The following RYR2 variants were observed in gnomAD, a reference collection of about 807,000 sequenced individuals.
RYR2 encodes the protein ryanodine receptor 2.
RYR2 carries 227 observed loss-of-function variants against 601.1 expected under a neutral mutation model. The observed-to-expected ratio is 0.38, with a 90% confidence interval of 0.34 to 0.42. The LOEUF (loss-of-function observed/expected upper bound fraction) is 0.42. RYR2 is among the 10% of genes least tolerant of loss of function. The pLI is 1.00. For synonymous variants in RYR2, 2,223 were observed against 2,175.1 expected (o/e 1.02, Z -0.61); for missense variants, 4,646 against 6,156.5 (o/e 0.75, Z 8.21).
At chr1:237,779,699 C>T (rs905572029) in intron 88 of RYR2, among the ~76,000 whole-genome samples, 1 of 152,216 alleles carries the variant, frequency 6.6e-6, no homozygotes, top group African/African-American at 2.4e-5. Flanking sequence ...GGTAAGGATA[C>T]ATCTTAATGT....
At chr1:237,377,768 A>C (rs4615830) in intron 8 of RYR2, among the ~76,000 whole-genome samples, 38,113 of 152,054 alleles carry the variant, frequency 0.25, 4,922 homozygotes, top group East Asian at 0.4. Context: ...TTTATTTTGC[A>C]CCTGATGAAA....
intron 101 of RYR2, among the ~76,000 whole-genome samples, chr1:237,825,719 GTGAACAGGCAACCTACAGAA>G: frequency 6.6e-6 from 1 of 152,326 alleles, no homozygotes; most frequent in East Asian, 1.9e-4. Flanking sequence ...TATCATCAGA[GTGAACAGGCAACCTACAGAA>G]TGGGAGAAAA....
chr1:237,744,200 A>C (rs903741714), intron 80 of RYR2, among the ~76,000 whole-genome samples: 3 of 152,226 alleles, frequency 2.0e-5, no homozygotes, highest in African/African-American at 7.2e-5. Context: ...AAAAGAAAAC[A>C]TTTTGATATA....
chr1:237,625,448 C>A (rs536705990), intron 39 of RYR2, among the ~76,000 whole-genome samples: 1 of 152,072 alleles, frequency 6.6e-6, no homozygotes, highest in African/African-American at 2.4e-5. Context: ...CAGCCCTGAG[C>A]CCACAGGAAT....
chr1:237,342,130 C>G (rs1261242511), intron 3 of RYR2, among the ~76,000 whole-genome samples: 2 of 148,302 alleles, frequency 1.3e-5, no homozygotes, highest in Non-Finnish European at 3.0e-5. Flanking sequence ...AAGAAGTCTT[C>G]CTTTTTGTTG....
rs916871890 is a variant in RYR2 at position 237,614,904 on chromosome 1, A to T, written c.5715+61A>T. On this transcript the variant is annotated intron_variant, in intron 37 of 104. Coordinates refer to ENST00000366574, the MANE Select transcript of RYR2 (RefSeq NM_001035.3). This position sits in a 1 kb window ranked among gnomAD's most constrained non-coding sequence, Gnocchi z 4.3. ...TTGCTAAGCATTAAGGTATTAGAAC[A>T]TGCCTTTGTTTCTTTCTCTGTGTGT... The T allele has an allele frequency of 2.1e-6, 3 of 1,460,034 alleles. No homozygotes were observed. The Admixed American group carries it at 7.3e-5, about 35-fold the overall frequency. 90.4% of individuals were successfully genotyped at this position (1,460,034 alleles called of 1,614,324 possible).
chr1:237,172,773 G>C (rs1394799069), intron 1 of RYR2, among the ~76,000 whole-genome samples: 2 of 152,160 alleles, frequency 1.3e-5, no homozygotes, highest in Admixed American at 1.3e-4. Flanking sequence ...ATGTGACTGT[G>C]GGGCCCCAGG....
In RYR2 at chr1:237,819,963, G is replaced by T. The variant is rs907750614; in HGVS notation, c.14590+771G>T. Among the ~76,000 whole-genome samples, 3 of 152,080 alleles carry T rather than the reference G, an allele frequency of 2.0e-5. No homozygotes were observed. The highest frequency in any genetic ancestry group is 2.9e-5 in the Non-Finnish European group (2 of 68,020). On this transcript the variant is annotated intron_variant, in intron 101 of 104. Transcript: ENST00000366574. The surrounding 1 kb of genome is among the most constrained non-coding windows in gnomAD (Gnocchi z 4.0). ...GCACTTTGAGAGACTGAGGTGGGTG[G>T]ATCACTTGAGGTCTGGAGTTCAAGA... is the stretch of plus-strand genomic sequence containing the variant.
chr1:237,491,153 G>A (rs1045413643), intron 17 of RYR2, among the ~76,000 whole-genome samples: 1 of 152,040 alleles, frequency 6.6e-6, no homozygotes. Context: ...TTTTGTGGTG[G>A]CTAGTACCTA....
intron 2 of RYR2, among the ~76,000 whole-genome samples, chr1:237,289,011 A>G (rs1289416053): frequency 6.6e-6 from 1 of 152,164 alleles, no homozygotes; most frequent in African/African-American, 2.4e-5. Flanking sequence ...TATGTTGCTC[A>G]GCTCTCCAAA....
At chr1:237,488,969 C>T (rs1355909133) in intron 17 of RYR2, among the ~76,000 whole-genome samples, 2 of 152,160 alleles carry the variant, frequency 1.3e-5, no homozygotes, top group Non-Finnish European at 2.9e-5. Flanking sequence ...CAGACCATAG[C>T]AGCCAGATAG....
chr1:237,700,518 G>A (rs1687876993), intron 65 of RYR2, 51 bp downstream of exon 65: 2 of 886,324 alleles, frequency 2.3e-6, no homozygotes, highest in Admixed American at 2.5e-5. Flanking sequence ...GAAATACCCT[G>A]TAGTACAATC....
At chr1:237,208,936 GTATATATATATA>G (rs56133827) in intron 1 of RYR2, among the ~76,000 whole-genome samples, 1,836 of 89,808 alleles carry the variant, frequency 0.02, 58 homozygotes, top group African/African-American at 0.037. Context: ...ATGTGTGTGT[GTATATATATATA>G]TATATATATA....
chr1:237,830,042 G>A (rs1663596251), intron 102 of RYR2: 1 of 155,570 alleles, frequency 6.4e-6, no homozygotes, highest in Non-Finnish European at 1.4e-5. Flanking sequence ...AACTGTAGAT[G>A]GGATGTCTCA....
chr1:237,270,695 A>G, intron 2 of RYR2, 79 bp downstream of exon 2: 1 of 1,443,720 alleles, frequency 6.9e-7, no homozygotes, highest in Non-Finnish European at 9.5e-7. Context: ...GCTCTCTACT[A>G]TTTTCTGTGG....
intron 10 of RYR2, among the ~76,000 whole-genome samples, chr1:237,401,819 T>C (rs1242004260): frequency 6.6e-6 from 1 of 152,118 alleles, no homozygotes; most frequent in African/African-American, 2.4e-5. Context: ...CATGGCCAGC[T>C]CCCATCTTGA....
At position 237,465,649 on chromosome 1, in the gene RYR2, T is replaced by TATGCTATACGGGATGGCCTACTGCAC. The variant is rs1375685077; in HGVS notation, c.1613-3443_1613-3442insATGCTATACGGGATGGCCTACTGCAC. Among the ~76,000 whole-genome samples the TATGCTATACGGGATGGCCTACTGCAC allele has an allele frequency of 7.1e-3, 1,083 of 151,954 alleles. 25 individuals carry two copies. In the East Asian group the frequency reaches 0.076, roughly 11 times the overall value. On this transcript the variant is annotated intron_variant, in intron 16 of 104. Transcript: ENST00000366574. ...ATGCTATACGGGATGGCCTACTGCA[T>TATGCTATACGGGATGGCCTACTGCAC]GGCTATGCTATACGGGATGGCCTAC...
Position 237,788,093 on chromosome 1 carries a change from A to G in RYR2, c.13434A>G (p.Ser4478=), listed in dbSNP as rs754307642. Residue 4478 remains serine (S), a synonymous_variant, in exon 92 of 105, where the codon TCA becomes TCG. Coordinates refer to ENST00000366574, the MANE Select transcript of RYR2 (RefSeq NM_001035.3). Reference sequence around the variant, plus strand: ...ACGGAGAACCAGAAGTGCCAGAGTCAGCATTCTGGAAGAAAATCATAGCAT... The same window carrying G: ...ACGGAGAACCAGAAGTGCCAGAGTCGGCATTCTGGAAGAAAATCATAGCAT... ...HRYGEPEVPE[S]AFWKKIIAYQ... is the part of the protein sequence containing the mutation. The G allele has an allele frequency of 6.2e-7, 1 of 1,611,882 alleles. No individual in the cohort carries two copies. Among genetic ancestry groups the G allele is most frequent in the Admixed American group, 1.7e-5 (1 of 59,708 alleles).
chr1:237,709,908 A>C (rs1312451638), intron 70 of RYR2, among the ~76,000 whole-genome samples: 1 of 152,204 alleles, frequency 6.6e-6, no homozygotes, highest in Non-Finnish European at 1.5e-5. Flanking sequence ...ATAGACTAGC[A>C]ATTTCCAACA....
Sources: allele counts gnomAD v4.1 joint callset (sites outside exome capture counted in the v4.1 genomes callset), GRCh38; gene constraint gnomAD v4.1.1; non-coding constraint Gnocchi (gnomAD v3.1); transcripts MANE v1.5; gene names NCBI Gene and HGNC (gene_info 2026-07-23, HGNC 2026-07-21).